The following PPARD variants were observed in gnomAD, a reference collection of about 807,000 sequenced individuals.
PPARD encodes peroxisome proliferator-activated receptor delta.
A neutral mutation model predicts 39.5 loss-of-function variants in PPARD; 6 were observed. That is an observed-to-expected ratio of 0.15 (90% CI 0.08 to 0.30). PPARD has a LOEUF of 0.30. PPARD is among the 10% of genes least tolerant of loss of function. The probability of loss-of-function intolerance (pLI) is 1.00; values close to 1 mark genes in which losing one functional copy is unlikely to be tolerated. For missense variants in PPARD, 397 were observed against 596.8 expected (o/e 0.67, Z 3.49); for synonymous variants, 210 against 231.3 (o/e 0.91, Z 0.83).
intron 1 of PPARD, among the ~76,000 whole-genome samples, chr6:35,344,904 C>T (rs1447125497): frequency 6.6e-6 from 1 of 152,208 alleles, no homozygotes; most frequent in Non-Finnish European, 1.5e-5. Flanking sequence ...TTTGGGTAGA[C>T]TGGACCAGAG....
chr6:35,381,962 T>C (rs9470007), intron 2 of PPARD, among the ~76,000 whole-genome samples: 34,705 of 152,140 alleles, frequency 0.23, 8,777 homozygotes, highest in African/African-American at 0.63. Context: ...GAGAAAGGCA[T>C]GAAGTGGGTA....
At chr6:35,374,113 C>G (rs1455563525) in intron 2 of PPARD, among the ~76,000 whole-genome samples, 1 of 152,124 alleles carries the variant, frequency 6.6e-6, no homozygotes, top group Non-Finnish European at 1.5e-5. Flanking sequence ...ATCTGTTTCT[C>G]CTATGGCTGC....
chr6:35,372,468 C>A (rs1181231635), intron 2 of PPARD, among the ~76,000 whole-genome samples: 1 of 152,202 alleles, frequency 6.6e-6, no homozygotes, highest in African/African-American at 2.4e-5. Flanking sequence ...TGTGAGCCAC[C>A]ACGTCCAGCC....
intron 2 of PPARD, among the ~76,000 whole-genome samples, chr6:35,402,663 G>A (rs1312037581): frequency 6.6e-6 from 1 of 152,184 alleles, no homozygotes; most frequent in African/African-American, 2.4e-5. Flanking sequence ...CCACTCCTGG[G>A]GATTGGCCTC....
chr6:35,396,211 T>TC (rs1402891024), intron 2 of PPARD, among the ~76,000 whole-genome samples: 2 of 151,480 alleles, frequency 1.3e-5, no homozygotes, highest in East Asian at 3.9e-4. Context: ...TTCTTCTTCT[T>TC]CTTTTTTTTT....
At chr6:35,396,627 G>C (rs1023653471) in intron 2 of PPARD, among the ~76,000 whole-genome samples, 4 of 150,528 alleles carry the variant, frequency 2.7e-5, no homozygotes, top group Non-Finnish European at 5.9e-5. Flanking sequence ...TCAGGAGACA[G>C]AGACCATCCT....
chr6:35,411,189 G>A lies in PPARD; in HGVS notation c.102G>A (p.Gln34=), dbSNP rs773975846. 4 of 1,558,052 alleles carry A rather than the reference G, an allele frequency of 2.6e-6. No homozygotes were observed. Among genetic ancestry groups the A allele is most frequent in the South Asian group, 1.2e-5 (1 of 83,644 alleles). Residue 34 remains glutamine, a synonymous_variant, in exon 3 of 8, where the codon CAG becomes CAA. Coordinates refer to ENST00000360694, the MANE Select transcript of PPARD (RefSeq NM_006238.5). ...EGAPELNGGP[Q]HALPSSSYTD... is the part of the protein sequence containing the mutation. The stretch of plus-strand genomic sequence containing the variant: ...CCCCAGAGCTCAATGGGGGACCACA[G>A]CATGCACTTCCTTCCAGCAGCTACA...
rs184087551 is a variant in PPARD at position 35,414,906 on chromosome 6, C to T, written c.130+3689C>T. On this transcript the variant is annotated intron_variant, in intron 3 of 7. Coordinates refer to ENST00000360694, the MANE Select transcript of PPARD (RefSeq NM_006238.5). ...AACACCTGCCATGCACCTTCTCACC[C>T]TCCCCCCAGCCAGGCAGGACAGACC... is the stretch of plus-strand genomic sequence containing the variant. 8.8e-4 allele frequency among the ~76,000 whole-genome samples: 134 copies of T among 152,226 alleles called. 1 individual carries two copies. Among genetic ancestry groups the T allele is most frequent in the Middle Eastern group, 6.8e-3 (2 of 294 alleles).
chr6:35,411,097 C>T lies in PPARD; in HGVS notation c.10C>T (p.Pro4Ser). ...CGAGGGGAGATCAGCCATGGAGCAGCCACAGGAGGAAGCCCCTGAGGTCCG... is the reference window on the plus strand; with the variant it reads ...CGAGGGGAGATCAGCCATGGAGCAGTCACAGGAGGAAGCCCCTGAGGTCCG... MEQ[P>S]QEEAPEVREE... Residue 4 changes from proline (P) to serine (S), a missense_variant, in exon 3 of 8, where the codon CCA becomes TCA. Coordinates refer to ENST00000360694, the MANE Select transcript of PPARD (RefSeq NM_006238.5). 6.4e-7 allele frequency: 1 copy of T among 1,552,934 alleles called. No individual in the cohort carries two copies. The highest frequency in any genetic ancestry group is 8.7e-7 in the Non-Finnish European group (1 of 1,148,602).
intron 2 of PPARD, among the ~76,000 whole-genome samples, chr6:35,383,334 C>G (rs918889450): frequency 2.0e-5 from 3 of 152,140 alleles, no homozygotes; most frequent in African/African-American, 7.2e-5. Context: ...ACTCAGTGCT[C>G]GGTGGTGCCC....
chr6:35,415,955 C>T (rs1765731504), intron 3 of PPARD, among the ~76,000 whole-genome samples: 1 of 152,210 alleles, frequency 6.6e-6, no homozygotes, highest in Non-Finnish European at 1.5e-5. Context: ...TCCTGTTCCA[C>T]AGTGGGGCCA....
chr6:35,386,315 ATTTTTTTTTTTTT>A (rs751089075), intron 2 of PPARD, among the ~76,000 whole-genome samples: 1 of 120,420 alleles, frequency 8.3e-6, no homozygotes, highest in Non-Finnish European at 1.8e-5. Flanking sequence ...CACCTCTACA[ATTTTTTTTTTTTT>A]TTTTTTTTTT....
intron 2 of PPARD, among the ~76,000 whole-genome samples, chr6:35,362,730 A>G (rs1761993106): frequency 6.6e-6 from 1 of 152,072 alleles, no homozygotes; most frequent in African/African-American, 2.4e-5. Flanking sequence ...CCTCTCTGAA[A>G]CAGCAAGCAA....
rs188187620 is a variant in PPARD, at chr6:35,364,366, T to C, written c.-102+17216T>C. Among the ~76,000 whole-genome samples the C allele has an allele frequency of 4.9e-4, 74 of 152,278 alleles. No homozygotes were observed. The East Asian group carries it at 0.01, about 21-fold the overall frequency. On this transcript the variant is annotated intron_variant, in intron 2 of 7. Coordinates refer to ENST00000360694, the MANE Select transcript of PPARD (RefSeq NM_006238.5). ...ATGTACAAGCTTTTGTGTGGACATA[T>C]GCTTTAGGTTCTCTTGGGAATATAC...
intron 2 of PPARD, among the ~76,000 whole-genome samples, chr6:35,404,689 G>A (rs1764915651): frequency 6.6e-6 from 1 of 152,228 alleles, no homozygotes; most frequent in Non-Finnish European, 1.5e-5. Flanking sequence ...CAGAGACGGG[G>A]AAGGGAGACA....
intron 2 of PPARD, among the ~76,000 whole-genome samples, chr6:35,364,489 A>G (rs973053913): frequency 1.4e-5 from 2 of 142,172 alleles, no homozygotes; most frequent in Non-Finnish European, 3.0e-5. Context: ...GCTGGAGTGC[A>G]GTGGCACGAT....
intron 2 of PPARD, among the ~76,000 whole-genome samples, chr6:35,393,341 G>A (rs1764126914): frequency 6.6e-6 from 1 of 152,218 alleles, no homozygotes; most frequent in Non-Finnish European, 1.5e-5. Flanking sequence ...AACAGTGGCA[G>A]TGCTTTTCCT....
At chr6:35,381,986 C>T (rs2150590793) in intron 2 of PPARD, among the ~76,000 whole-genome samples, 2 of 152,302 alleles carry the variant, frequency 1.3e-5, no homozygotes, top group Middle Eastern at 3.4e-3. Flanking sequence ...TACATACCCT[C>T]CAAGGGCGCA....
chr6:35,366,603 G>A lies in PPARD; in HGVS notation c.-102+19453G>A, dbSNP rs1433751156. 1.3e-5 allele frequency among the ~76,000 whole-genome samples: 2 copies of A among 151,502 alleles called. No homozygotes were observed. Among genetic ancestry groups the A allele is most frequent in the Non-Finnish European group, 2.9e-5 (2 of 67,984 alleles). ...CTCACTCTGTCACCCAGGCTGGAGTGCAGTGGCATGATCTCGGCTCACTGC... is the reference window on the plus strand; with the variant it reads ...CTCACTCTGTCACCCAGGCTGGAGTACAGTGGCATGATCTCGGCTCACTGC... On this transcript the variant is annotated intron_variant, in intron 2 of 7. Coordinates refer to ENST00000360694, the MANE Select transcript of PPARD (RefSeq NM_006238.5). The surrounding 1 kb of genome is among the most constrained non-coding windows in gnomAD (Gnocchi z 4.6).
Sources: gnomAD v4.1 joint callset for allele counts (sites outside exome capture counted in the v4.1 genomes callset) on GRCh38, gnomAD v4.1.1 for gene constraint, Gnocchi (gnomAD v3.1) non-coding constraint, MANE v1.5 for transcripts, NCBI Gene and HGNC (gene_info 2026-07-23, HGNC 2026-07-21) for gene names.